The following ITPR2 variants were observed in gnomAD, a reference collection of about 807,000 sequenced individuals.
ITPR2 encodes inositol 1,4,5-trisphosphate receptor type 2, also known as inositol 1,4,5-trisphosphate-gated calcium channel ITPR2.
Under a neutral mutation model 317.1 loss-of-function variants are expected in ITPR2, and 207 were observed. The observed-to-expected ratio is 0.65, with a 90% CI of 0.58 to 0.73. The LOEUF (loss-of-function observed/expected upper bound fraction) is 0.73. ITPR2 is among the 30% of genes least tolerant of loss of function. The pLI, the probability that ITPR2 is intolerant of heterozygous loss-of-function variation, is 0.00. For missense variants in ITPR2, 2,613 were observed against 3,284.0 expected, an observed-to-expected ratio of 0.80 and a Z score of 4.99; for synonymous variants, 1,156 against 1,149.1, an observed-to-expected ratio of 1.01 and a Z score of -0.12.
At chr12:26,647,754 T>C (rs1947147473) in intron 21 of ITPR2, among the ~76,000 whole-genome samples, 1 of 152,228 alleles carries the variant, frequency 6.6e-6, no homozygotes. Context: ...TTGAAAACAA[T>C]ATTTCTTAAG....
intron 51 of ITPR2, among the ~76,000 whole-genome samples, chr12:26,411,725 A>G (rs562419887): frequency 2.6e-5 from 4 of 152,326 alleles, no homozygotes; most frequent in African/African-American, 7.2e-5. Context: ...AAACTCATTC[A>G]GGGTTCTGAC....
intron 21 of ITPR2, among the ~76,000 whole-genome samples, chr12:26,639,007 A>G (rs887702772): frequency 1.3e-5 from 2 of 152,210 alleles, no homozygotes; most frequent in African/African-American, 4.8e-5. Flanking sequence ...CCTAGGCTAC[A>G]TTATAAAAGG....
intron 37 of ITPR2, among the ~76,000 whole-genome samples, chr12:26,516,597 C>T (rs527647533): frequency 5.9e-5 from 9 of 152,146 alleles, no homozygotes; most frequent in Non-Finnish European, 1.3e-4. Flanking sequence ...ATGGATTATA[C>T]AAACAAATTA....
intron 52 of ITPR2, among the ~76,000 whole-genome samples, chr12:26,402,465 G>C (rs560897043): frequency 3.0e-4 from 45 of 152,144 alleles, no homozygotes; most frequent in Non-Finnish European, 3.7e-4. Context: ...ACCTCTCTCC[G>C]AGAATTTAGA....
chr12:26,590,471 C>G (rs1035784053), intron 32 of ITPR2, among the ~76,000 whole-genome samples: 2 of 152,138 alleles, frequency 1.3e-5, no homozygotes, highest in African/African-American at 4.8e-5. Context: ...ATCCACACAC[C>G]TACAATGAAC....
intron 49 of ITPR2, among the ~76,000 whole-genome samples, chr12:26,421,993 A>G (rs1940909511): frequency 6.8e-6 from 1 of 146,806 alleles, no homozygotes; most frequent in South Asian, 2.1e-4. Context: ...CTTCTAAAAA[A>G]AAAAGCAAAA....
intron 21 of ITPR2, among the ~76,000 whole-genome samples, chr12:26,653,367 G>A (rs11611683): frequency 0.18 from 26,199 of 148,716 alleles, 2,998 homozygotes; most frequent in Non-Finnish European, 0.25. Context: ...TCAGCCTCCC[G>A]AGTAGCTGGA....
At chr12:26,404,856 AG>A (rs1265493763) in intron 52 of ITPR2, among the ~76,000 whole-genome samples, 1 of 152,164 alleles carries the variant, frequency 6.6e-6, no homozygotes, top group Non-Finnish European at 1.5e-5. Context: ...GGAGAGGGCC[AG>A]GTGCGGTGGC....
chr12:26,385,763 T>C (rs1939646897), intron 55 of ITPR2, among the ~76,000 whole-genome samples: 1 of 152,066 alleles, frequency 6.6e-6, no homozygotes, highest in African/African-American at 2.4e-5. Flanking sequence ...ACACTCCCCA[T>C]CTACAGAAAT....
At chr12:26,493,588 G>T (rs1041769629) in intron 39 of ITPR2, among the ~76,000 whole-genome samples, 1 of 152,110 alleles carries the variant, frequency 6.6e-6, no homozygotes, top group African/African-American at 2.4e-5. Flanking sequence ...ACAAAGAAAT[G>T]ATAAACATTT....
At chr12:26,641,726 G>A (rs1354568173) in intron 21 of ITPR2, among the ~76,000 whole-genome samples, 5 of 152,036 alleles carry the variant, frequency 3.3e-5, no homozygotes, top group African/African-American at 9.7e-5. Flanking sequence ...CCTGGCATCC[G>A]TTACATAGTT....
At chr12:26,517,432 C>G (rs1409613047) in intron 37 of ITPR2, among the ~76,000 whole-genome samples, 2 of 152,132 alleles carry the variant, frequency 1.3e-5, no homozygotes, top group Non-Finnish European at 2.9e-5. Context: ...ATGTGGCCAA[C>G]AAGCATATGA....
chr12:26,589,816 ATAAATAAATAAATAAAC>A lies in ITPR2; in HGVS notation c.4380+5632_4380+5648del, dbSNP rs1565624240. 4.6e-3 allele frequency among the ~76,000 whole-genome samples: 177 copies of A among 38,682 alleles called. 9 individuals are homozygous for A. Among genetic ancestry groups the A allele is most frequent in the Non-Finnish European group, 8.2e-3 (116 of 14,068 alleles). 25.4% of individuals were successfully genotyped at this position (38,682 alleles called of 152,430 possible). On this transcript the variant is annotated intron_variant, in intron 32 of 56. Transcript: ENST00000381340. ...AAAAAAATAAATAAATAAAAAATAAATAAATAAATAAATAAACATATATATATATATATATATACACA... is the reference window on the plus strand; with the variant it reads ...AAAAAAATAAATAAATAAAAAATAAAATATATATATATATATATATACACA...
In ITPR2 at chr12:26,631,988, T is replaced by C. The variant is rs376902930; in HGVS notation, c.2812A>G (p.Ile938Val). The C allele has an allele frequency of 1.9e-5, 30 of 1,613,476 alleles. No individual in the cohort carries two copies. The African/African-American group carries it at 3.2e-4, about 17-fold the overall frequency. ...MTQMVLSRGS[I>V]FPMSVPDVPP... is the part of the protein sequence containing the mutation. ...ACATCCGGCACGCTCATGGGGAAGATGGAGCCTCTACTGAGTACCATCTGG... is the reference window on the plus strand; with the variant it reads ...ACATCCGGCACGCTCATGGGGAAGACGGAGCCTCTACTGAGTACCATCTGG... The change falls in exon 22 of 57, where the codon ATC becomes GTC. Residue 938 changes from isoleucine to valine, a missense_variant. By Grantham distance (29) the Ile-to-Val change is conservative. Coordinates refer to ENST00000381340, the MANE Select transcript of ITPR2 (RefSeq NM_002223.4).
chr12:26,374,544 T>G (rs900766399), intron 55 of ITPR2, among the ~76,000 whole-genome samples: 1 of 152,256 alleles, frequency 6.6e-6, no homozygotes, highest in Non-Finnish European at 1.5e-5. Flanking sequence ...CACAAAATAG[T>G]ATTTAAAGTT....
At chr12:26,454,806 A>G (rs868117297) in intron 45 of ITPR2, among the ~76,000 whole-genome samples, 48 of 152,274 alleles carry the variant, frequency 3.2e-4, no homozygotes, top group African/African-American at 1.1e-3. Context: ...CTTTTATGGT[A>G]GCACGTTCAA....
At position 26,832,802 on chromosome 12, in the gene ITPR2, G is replaced by T. The variant is rs370916966; in HGVS notation, c.-21C>A. The T allele has an allele frequency of 3.2e-6, 5 of 1,567,886 alleles. No individual in the cohort carries two copies. In the African/African-American group the frequency reaches 5.5e-5, roughly 17 times the overall value. On this transcript the variant is annotated 5_prime_UTR_variant, in exon 1 of 57. Coordinates refer to ENST00000381340, the MANE Select transcript of ITPR2 (RefSeq NM_002223.4). Reference sequence around the variant, plus strand: ...GTCATGCTGCTTCATGTTCCACAGTGGACGTCCCTCTTCTTCCCTGCGCCC... The same window carrying T: ...GTCATGCTGCTTCATGTTCCACAGTTGACGTCCCTCTTCTTCCCTGCGCCC...
intron 10 of ITPR2, among the ~76,000 whole-genome samples, chr12:26,687,121 G>A (rs1443285022): frequency 1.3e-5 from 2 of 152,098 alleles, no homozygotes; most frequent in Non-Finnish European, 2.9e-5. Context: ...TGCTCCCCTA[G>A]ATTCAAGAAC....
chr12:26,523,258 T>C (rs1460477589), intron 37 of ITPR2, among the ~76,000 whole-genome samples: 2 of 152,186 alleles, frequency 1.3e-5, no homozygotes, highest in Non-Finnish European at 2.9e-5. Context: ...CAACCAAATA[T>C]AGGGTTAATT....
Sources: allele counts gnomAD v4.1 joint callset (sites outside exome capture counted in the v4.1 genomes callset), GRCh38; gene constraint gnomAD v4.1.1; transcripts MANE v1.5; gene names NCBI Gene and HGNC (gene_info 2026-07-23, HGNC 2026-07-21).